The following LINGO2 variants were observed in gnomAD, a reference collection of about 807,000 sequenced individuals.
The protein encoded by LINGO2 is leucine-rich repeat and immunoglobulin-like domain-containing nogo receptor-interacting protein 2.
A neutral mutation model predicts 30.6 loss-of-function variants in LINGO2; 14 were observed. The ratio of observed to expected loss-of-function variants is 0.46; its 90% CI spans 0.30 to 0.72. LINGO2 has a LOEUF of 0.72. Among genes scored for constraint, LINGO2 ranks in the 30% least tolerant of loss-of-function variants. LINGO2 has a pLI of 0.07. For missense variants in LINGO2, 729 were observed against 751.7 expected (o/e 0.97, Z 0.35); for synonymous variants, 317 against 288.5 (o/e 1.10, Z -1.00).
In LINGO2 at chr9:28,137,170, TA is replaced by T. The variant is rs1207229056; in HGVS notation, c.-86-124766del. ...CAATACCTTATGATAAATATTTTTATATATTCATACATATATAGAAAATCCC... is the reference window on the plus strand; with the variant it reads ...CAATACCTTATGATAAATATTTTTATTATTCATACATATATAGAAAATCCC... On this transcript the variant is annotated intron_variant, in intron 4 of 5. Transcript: ENST00000379992. Among the ~76,000 whole-genome samples the T allele has an allele frequency of 2.1e-5, 3 of 144,032 alleles. No homozygotes were observed. In the East Asian group the frequency reaches 6.2e-4, roughly 30 times the overall value. The allele number at this position is 144,032 out of a possible 152,430, so 94.5% of individuals were successfully genotyped here. A position where few individuals can be genotyped will look rare whatever the true frequency, so the allele number is the denominator to read the frequency against.
intron 1 of LINGO2, among the ~76,000 whole-genome samples, chr9:28,581,783 TTAAA>T (rs1352347375): frequency 6.6e-6 from 1 of 151,982 alleles, no homozygotes; most frequent in African/African-American, 2.4e-5. Context: ...CTTCTGAATA[TTAAA>T]TAATTTTCTA....
chr9:27,966,251 T>C (rs1367798154), intron 5 of LINGO2, among the ~76,000 whole-genome samples: 1 of 152,116 alleles, frequency 6.6e-6, no homozygotes, highest in Non-Finnish European at 1.5e-5. Context: ...GTATTTTATA[T>C]TACAGCTGAA....
At chr9:28,825,166 G>GT in the LINGO2 span, among the ~76,000 whole-genome samples, 1 of 152,086 alleles carries the variant, frequency 6.6e-6, no homozygotes. Flanking sequence ...TAAAGCAAAA[G>GT]TTTTTTCTTT....
intron 1 of LINGO2, among the ~76,000 whole-genome samples, chr9:28,577,816 T>G (rs1356199886): frequency 6.6e-6 from 1 of 152,162 alleles, no homozygotes; most frequent in South Asian, 2.1e-4. Flanking sequence ...GAGCCAATGA[T>G]TATCAAGTTT....
the LINGO2 span, among the ~76,000 whole-genome samples, chr9:28,967,610 T>G: frequency 6.6e-6 from 1 of 152,126 alleles, no homozygotes. Flanking sequence ...CATCATTCAG[T>G]TATGTTTTAT....
chr9:28,860,353 G>A, the LINGO2 span, among the ~76,000 whole-genome samples: 1 of 151,928 alleles, frequency 6.6e-6, no homozygotes, highest in Non-Finnish European at 1.5e-5. Flanking sequence ...CTATAATGTG[G>A]GTAGGCCTCA....
intron 4 of LINGO2, among the ~76,000 whole-genome samples, chr9:28,167,010 A>AGCATACTAGT (rs1828446508): frequency 6.6e-6 from 1 of 152,212 alleles, no homozygotes; most frequent in African/African-American, 2.4e-5. Flanking sequence ...GGAATTTTTA[A>AGCATACTAGT]GCATACTAGT....
intron 3 of LINGO2, among the ~76,000 whole-genome samples, chr9:28,349,612 A>G (rs1167722496): frequency 1.4e-5 from 2 of 138,100 alleles, no homozygotes; most frequent in Non-Finnish European, 3.1e-5. Context: ...CAATCTAGCA[A>G]GGCAGGACAA....
chr9:27,950,155 A>C, exon 6 of LINGO2: 1 of 1,614,110 alleles, frequency 6.2e-7, no homozygotes, highest in Non-Finnish European at 8.5e-7. Context: ...AGCCCACTGA[A>C]TGCCCTGTGT....
intron 1 of LINGO2, among the ~76,000 whole-genome samples, chr9:28,502,818 G>T (rs1218303923): frequency 6.6e-6 from 1 of 151,962 alleles, no homozygotes; most frequent in African/African-American, 2.4e-5. Context: ...GCCTTTTAGT[G>T]CTATAAAAAT....
At chr9:28,791,840 T>G in the LINGO2 span, among the ~76,000 whole-genome samples, 1 of 151,822 alleles carries the variant, frequency 6.6e-6, no homozygotes, top group Non-Finnish European at 1.5e-5. Context: ...CATTTTTAAA[T>G]TCTTAAAAAT....
rs546153343 is a variant in LINGO2, at chr9:28,313,091, T to C, written c.-245-17725A>G. Among the ~76,000 whole-genome samples, 24 of 152,318 alleles carry C rather than the reference T, an allele frequency of 1.6e-4. No homozygotes were observed. The South Asian group carries it at 5.0e-3, about 32-fold the overall frequency. On this transcript the variant is annotated intron_variant, in intron 3 of 5. Transcript: ENST00000379992. ...GTTTCAACATCTGATGATGACACTT[T>C]GCTGAATAAAAGTTTAATCACTCAT... is the stretch of plus-strand genomic sequence containing the variant.
At position 28,401,981 on chromosome 9, in the gene LINGO2, T is replaced by C. The variant is rs376157950; in HGVS notation, c.-278-29113A>G. On this transcript the variant is annotated intron_variant, in intron 2 of 5. Coordinates refer to ENST00000379992, the Ensembl canonical transcript of LINGO2. ...ATCATTTGCCTACCTTTTGATGGGG[T>C]TGTGTTTTTTTCTTGTAAATATATT... Among the ~76,000 whole-genome samples, 170 of 152,264 alleles carry C rather than the reference T, an allele frequency of 1.1e-3. No homozygotes were observed. In the Middle Eastern group the frequency reaches 0.02, roughly 18 times the overall value.
chr9:28,258,168 G>A (rs1587340263), intron 4 of LINGO2, among the ~76,000 whole-genome samples: 1 of 151,884 alleles, frequency 6.6e-6, no homozygotes, highest in African/African-American at 2.4e-5. Context: ...TGTCTAATCA[G>A]GTTCATTTTA....
chr9:28,722,471 A>G, the LINGO2 span, among the ~76,000 whole-genome samples: 2 of 152,134 alleles, frequency 1.3e-5, no homozygotes, highest in African/African-American at 4.8e-5. Flanking sequence ...CCCAATGTGA[A>G]TTTGAAGAGC....
At chr9:28,378,071 T>A (rs1821199010) in intron 2 of LINGO2, among the ~76,000 whole-genome samples, 1 of 152,240 alleles carries the variant, frequency 6.6e-6, no homozygotes, top group Non-Finnish European at 1.5e-5. Flanking sequence ...TATTTAAGCA[T>A]TTGTGGCATC....
chr9:28,396,221 C>G (rs527607884), intron 2 of LINGO2, among the ~76,000 whole-genome samples: 31 of 152,266 alleles, frequency 2.0e-4, no homozygotes, highest in African/African-American at 7.5e-4. Context: ...TATGTATTGA[C>G]TCACTTATTC....
At chr9:28,514,963 G>C (rs2135379288) in intron 1 of LINGO2, among the ~76,000 whole-genome samples, 1 of 151,186 alleles carries the variant, frequency 6.6e-6, no homozygotes, top group Admixed American at 6.6e-5. Flanking sequence ...CTGGATAACA[G>C]CACATCTGTT....
At chr9:28,935,122 T>C in the LINGO2 span, among the ~76,000 whole-genome samples, 7 of 152,120 alleles carry the variant, frequency 4.6e-5, no homozygotes, top group South Asian at 2.1e-4. Context: ...AAAAAGGATA[T>C]ATATACTTGT....
Sources: allele counts gnomAD v4.1 joint callset (sites outside exome capture counted in the v4.1 genomes callset), GRCh38; gene constraint gnomAD v4.1.1; transcripts MANE v1.5; gene names NCBI Gene and HGNC (gene_info 2026-07-23, HGNC 2026-07-21).